The following RABL2B variants were observed in gnomAD, a reference collection of about 807,000 sequenced individuals.
The protein encoded by RABL2B is rab-like protein 2B.
Under a neutral mutation model 26.7 loss-of-function variants are expected in RABL2B, and 17 were observed. The ratio of observed to expected loss-of-function variants is 0.64; its 90% CI spans 0.44 to 0.95. The LOEUF (loss-of-function observed/expected upper bound fraction) is 0.95. Ranked by LOEUF, RABL2B falls within the 40% of genes least tolerant of loss-of-function variation. RABL2B has a pLI of 0.00. For missense variants in RABL2B, 170 were observed against 277.2 expected, an observed-to-expected ratio of 0.61 and a Z score of 2.75; for synonymous variants, 70 against 103.9, an observed-to-expected ratio of 0.67 and a Z score of 1.99.
chr22:50,782,388 G>C, intron 1 of RABL2B, 41 bp from the exon 2 acceptor site: 1 of 1,448,114 alleles, frequency 6.9e-7, no homozygotes. Context: ...TCAGAGATAA[G>C]TCCCCTCAAC....
At chr22:50,772,962 C>T (rs2084406630) in intron 5 of RABL2B, 1 of 1,283,924 alleles carries the variant, frequency 7.8e-7, no homozygotes, top group Non-Finnish European at 1.0e-6. Flanking sequence ...AAGGCAAGTG[C>T]TTTCTACTCG....
intron 3 of RABL2B, among the ~76,000 whole-genome samples, chr22:50,777,315 G>A (rs566665466): frequency 6.6e-6 from 1 of 151,846 alleles, no homozygotes; most frequent in Non-Finnish European, 1.5e-5. Context: ...GGCTGGGTGT[G>A]CAGGAGCACT....
chr22:50,776,175 C>G (rs2084950213), intron 4 of RABL2B, among the ~76,000 whole-genome samples: 1 of 152,170 alleles, frequency 6.6e-6, no homozygotes, highest in Non-Finnish European at 1.5e-5. Context: ...AAGTTCCAAA[C>G]TATTCCAACT....
intron 5 of RABL2B, among the ~76,000 whole-genome samples, chr22:50,774,852 A>T (rs2084732521): frequency 6.6e-6 from 1 of 150,782 alleles, no homozygotes; most frequent in African/African-American, 2.4e-5. Flanking sequence ...ATCTCGGCTC[A>T]CTGCAACCTC....
rs370156196 is a variant in RABL2B, at chr22:50,782,159, G to C, written c.107+29C>G. 3.8e-4 allele frequency: 530 copies of C among 1,376,876 alleles called. 1 individual carries two copies. In the African/African-American group the frequency reaches 7.1e-3, roughly 18 times the overall value. The allele number at this position is 1,376,876 out of a possible 1,614,324, so 85.3% of individuals were successfully genotyped here. On this transcript the variant is annotated intron_variant, in intron 2 of 8. Coordinates refer to ENST00000691320, the MANE Select transcript of RABL2B (RefSeq NM_001130919.3). ...AATGACCTGGACCCTCTCTGGGGCT[G>C]GTATTTATTCCCTAATCTCCCAACA... is the stretch of plus-strand genomic sequence containing the variant.
At chr22:50,780,556 T>C (rs1160756650) in intron 2 of RABL2B, 12 of 400,998 alleles carry the variant, frequency 3.0e-5, no homozygotes, top group East Asian at 7.3e-5. Context: ...ACACTGAAAA[T>C]TGGCAGTAAT....
At position 50,776,669 on chromosome 22, in the gene RABL2B, C is replaced by T. The variant is rs546595196; in HGVS notation, c.217+1G>A. The T allele has an allele frequency of 3.1e-6, 5 of 1,607,064 alleles. No homozygotes were observed. Among genetic ancestry groups the T allele is most frequent in the South Asian group, 2.2e-5 (2 of 89,580 alleles). On this transcript the variant is annotated splice_donor_variant, in intron 4 of 8. Coordinates refer to ENST00000691320, the MANE Select transcript of RABL2B (RefSeq NM_001130919.3). LOFTEE classifies it high-confidence loss of function. ...GCATGTCTTGGCCCTGTGCCACTTACCCACAAGGATGGTCCTTCCATCTAC... is the reference window on the plus strand; with the variant it reads ...GCATGTCTTGGCCCTGTGCCACTTATCCACAAGGATGGTCCTTCCATCTAC...
intron 5 of RABL2B, 52 bp downstream of exon 5, chr22:50,775,720 C>A: frequency 6.2e-7 from 1 of 1,605,864 alleles, no homozygotes; most frequent in South Asian, 1.1e-5. Flanking sequence ...GCCCCTCACC[C>A]CTCAGGCCAG....
At chr22:50,774,131 G>A (rs1186979002) in intron 5 of RABL2B, among the ~76,000 whole-genome samples, 4 of 152,168 alleles carry the variant, frequency 2.6e-5, no homozygotes, top group Admixed American at 6.5e-5. Flanking sequence ...TCCTAACCTC[G>A]TGATCCGCCC....
At chr22:50,770,909 A>G (rs1334295788) in intron 5 of RABL2B, among the ~76,000 whole-genome samples, 1 of 124,236 alleles carries the variant, frequency 8.0e-6, no homozygotes, top group Admixed American at 7.5e-5. Context: ...TTATTTTTTT[A>G]TTTTTTTTTT....
At chr22:50,775,547 C>T (rs1261857443) in intron 5 of RABL2B, among the ~76,000 whole-genome samples, 1 of 152,154 alleles carries the variant, frequency 6.6e-6, no homozygotes, top group African/African-American at 2.4e-5. Context: ...CCTGAGCTTG[C>T]TGTTCCACCT....
chr22:50,769,329 C>A, intron 7 of RABL2B, 126 bp downstream of exon 7: 1 of 1,604,088 alleles, frequency 6.2e-7, no homozygotes, highest in Admixed American at 1.7e-5. Context: ...CCTCCCCTCC[C>A]TGCCACCCAT....
intron 5 of RABL2B, 186 bp from the exon 6 acceptor site, chr22:50,770,202 G>T (rs1555917353): frequency 4.3e-6 from 3 of 697,730 alleles, no homozygotes; most frequent in African/African-American, 1.8e-5. Flanking sequence ...GGAGCCTCCA[G>T]ATGCGAAAAT....
In RABL2B at chr22:50,769,980, G is replaced by T. The variant is rs1555917176; in HGVS notation, c.334C>A (p.Leu112Met). 1 of 1,613,732 alleles carries T rather than the reference G, an allele frequency of 6.2e-7. No individual in the cohort carries two copies. Among genetic ancestry groups the T allele is most frequent in the Non-Finnish European group, 8.5e-7 (1 of 1,179,852 alleles). ...DVQRKVTYRN[L>M]STWYTELREF... is the part of the protein sequence containing the mutation. ...CGAAGCTCTGTATACCAGGTGCTCA[G>T]GTTCCTATAGGTGACTTTCCTCTGT... Residue 112 changes from leucine to methionine, a missense_variant, in exon 6 of 9, where the codon CTG becomes ATG. By Grantham distance (15) the Leu-to-Met change is conservative (BLOSUM62 2). This residue lies in a region of RABL2B where 165 missense variants were observed against 232.0 expected (regional missense o/e 0.71). Coordinates refer to ENST00000691320, the MANE Select transcript of RABL2B (RefSeq NM_001130919.3).
intron 5 of RABL2B, chr22:50,772,960 T>C (rs2084406192): frequency 3.4e-5 from 43 of 1,279,040 alleles, no homozygotes; most frequent in Non-Finnish European, 4.4e-5. Context: ...AGAAGGCAAG[T>C]GCTTTCTACT....
intron 5 of RABL2B, chr22:50,772,822 G>A (rs1259475269): frequency 1.4e-5 from 16 of 1,158,590 alleles, no homozygotes; most frequent in Admixed American, 3.7e-5. Context: ...CTGGTTTCCT[G>A]AGCATCTGTT....
intron 2 of RABL2B, among the ~76,000 whole-genome samples, chr22:50,779,458 G>A (rs1452555580): frequency 6.6e-6 from 1 of 151,896 alleles, no homozygotes. Flanking sequence ...GGGACCCAGG[G>A]AGTCACATGG....
rs2083716265 is a variant in RABL2B, at chr22:50,768,808, G to C, written c.658C>G (p.Pro220Ala). 3 of 1,613,798 alleles carry C rather than the reference G, an allele frequency of 1.9e-6. No homozygotes were observed. The highest frequency in any genetic ancestry group is 1.7e-6 in the Non-Finnish European group (2 of 1,179,826). The change falls in exon 9 of 9, where the codon CCA (proline) becomes GCA (alanine). Residue 220 changes from proline to alanine, a missense_variant. Transcript: ENST00000691320. ...TGGGGAGAGGCCGCCTCCTCTGATG[G>C]GGTCTCGATGCTGCTGCTCTGTTCC... ...DQEQSSSIET[P>A]SEEAASPHS
At chr22:50,777,865 G>T in intron 3 of RABL2B, 87 bp downstream of exon 3, 4 of 1,602,502 alleles carry the variant, frequency 2.5e-6, no homozygotes, top group Non-Finnish European at 3.4e-6. Context: ...CTGGGCTGCT[G>T]GTACAAAGGT....
Sources: gnomAD v4.1 joint callset for allele counts (sites outside exome capture counted in the v4.1 genomes callset) on GRCh38, gnomAD v4.1.1 for gene constraint, gnomAD v4.1.1 regional missense constraint, MANE v1.5 for transcripts, NCBI Gene and HGNC (gene_info 2026-07-23, HGNC 2026-07-21) for gene names.